The following KHDRBS2 variants were observed in gnomAD, a reference collection of about 807,000 sequenced individuals.
The protein encoded by KHDRBS2 is KH RNA binding domain containing, signal transduction associated 2.
KHDRBS2 carries 26 observed loss-of-function variants against 44.3 expected under a neutral mutation model. The observed-to-expected ratio is 0.59, with a 90% confidence interval of 0.43 to 0.81. The LOEUF (loss-of-function observed/expected upper bound fraction) is 0.81. Ranked by LOEUF, KHDRBS2 falls within the 40% of genes least tolerant of loss-of-function variation. KHDRBS2 has a pLI of 0.00. For synonymous variants in KHDRBS2, 194 were observed against 151.1 expected (o/e 1.28, Z -2.08); for missense variants, 476 against 433.1 (o/e 1.10, Z -0.88).
intron 6 of KHDRBS2, among the ~76,000 whole-genome samples, chr6:61,754,278 CA>C (rs1274231369): frequency 1.3e-5 from 2 of 151,810 alleles, no homozygotes; most frequent in Admixed American, 6.6e-5. Context: ...TGAGGGACCA[CA>C]AAAAAATGGA....
chr6:61,792,965 A>T (rs1298047003), intron 6 of KHDRBS2, among the ~76,000 whole-genome samples: 3 of 151,968 alleles, frequency 2.0e-5, no homozygotes, highest in Non-Finnish European at 4.4e-5. Context: ...GAAAACAGTT[A>T]AGAAGATTAA....
At chr6:61,989,592 A>C (rs2127244866) in intron 3 of KHDRBS2, among the ~76,000 whole-genome samples, 1 of 152,282 alleles carries the variant, frequency 6.6e-6, no homozygotes, top group East Asian at 1.9e-4. Flanking sequence ...CTGTCTTTGC[A>C]ATCTCTTAGT....
chr6:61,985,304 TTCTC>T (rs951434885), intron 3 of KHDRBS2, among the ~76,000 whole-genome samples: 4 of 152,224 alleles, frequency 2.6e-5, no homozygotes, highest in African/African-American at 7.2e-5. Context: ...TTTATTTTAC[TTCTC>T]TCTGTGTATT....
intron 3 of KHDRBS2, among the ~76,000 whole-genome samples, chr6:62,042,897 C>T (rs903187906): frequency 3.6e-4 from 55 of 152,100 alleles, no homozygotes; most frequent in African/African-American, 1.3e-3. Context: ...GTACTTTTAA[C>T]ATATAATCAT....
At chr6:62,069,776 G>A (rs1272784258) in intron 2 of KHDRBS2, among the ~76,000 whole-genome samples, 1 of 151,726 alleles carries the variant, frequency 6.6e-6, no homozygotes, top group Non-Finnish European at 1.5e-5. Flanking sequence ...TTAATTTTAT[G>A]CACTTAGGAT....
intron 6 of KHDRBS2, among the ~76,000 whole-genome samples, chr6:61,858,560 T>A (rs1024819937): frequency 2.0e-5 from 3 of 151,954 alleles, no homozygotes; most frequent in Non-Finnish European, 4.4e-5. Flanking sequence ...CAATATAAGA[T>A]CATCTCTTAC....
chr6:62,212,265 A>G (rs1188310822), intron 1 of KHDRBS2, among the ~76,000 whole-genome samples: 1 of 152,148 alleles, frequency 6.6e-6, no homozygotes, highest in East Asian at 1.9e-4. Flanking sequence ...AAAGTGTTCA[A>G]TCACACACAT....
intron 1 of KHDRBS2, among the ~76,000 whole-genome samples, chr6:62,274,753 CT>C (rs1840645446): frequency 3.3e-5 from 5 of 152,070 alleles, no homozygotes; most frequent in Admixed American, 2.6e-4. Flanking sequence ...GCATCATCTA[CT>C]TCTCTTATCA....
chr6:61,745,046 C>T (rs1366658296), intron 6 of KHDRBS2, among the ~76,000 whole-genome samples: 2 of 151,986 alleles, frequency 1.3e-5, no homozygotes, highest in Non-Finnish European at 2.9e-5. Context: ...TTTAGGTTTC[C>T]AAGTAGGTGA....
chr6:61,595,469 A>G, the KHDRBS2 span, among the ~76,000 whole-genome samples: 93,519 of 151,950 alleles, frequency 0.62, 29,012 homozygotes, highest in Non-Finnish European at 0.65. Context: ...CTGAGAAACA[A>G]AACTATTTTT....
At chr6:61,852,605 C>G (rs1335150860) in intron 6 of KHDRBS2, among the ~76,000 whole-genome samples, 1 of 150,912 alleles carries the variant, frequency 6.6e-6, no homozygotes, top group Non-Finnish European at 1.5e-5. Context: ...AATTATTCTG[C>G]TAATACCCAC....
intron 2 of KHDRBS2, among the ~76,000 whole-genome samples, chr6:62,062,651 C>T (rs1045130562): frequency 1.1e-4 from 16 of 148,710 alleles, no homozygotes; most frequent in African/African-American, 3.9e-4. Context: ...AAATTTACAG[C>T]ACTAAATGCC....
intron 3 of KHDRBS2, among the ~76,000 whole-genome samples, chr6:62,001,612 C>T (rs565993067): frequency 6.6e-6 from 1 of 152,174 alleles, no homozygotes; most frequent in African/African-American, 2.4e-5. Context: ...ATTTTAACAG[C>T]TGGTAAATAT....
chr6:61,570,155 C>G, the KHDRBS2 span, among the ~76,000 whole-genome samples: 2 of 151,854 alleles, frequency 1.3e-5, no homozygotes, highest in Admixed American at 1.3e-4. Context: ...AAGGTGAAAT[C>G]CAACTTAATG....
intron 8 of KHDRBS2, among the ~76,000 whole-genome samples, chr6:61,683,618 TTA>T (rs1054913905): frequency 7.8e-4 from 119 of 151,934 alleles, no homozygotes; most frequent in African/African-American, 2.8e-3. Flanking sequence ...TATATATTTG[TTA>T]TAGAGTTAAA....
the KHDRBS2 span, among the ~76,000 whole-genome samples, chr6:61,616,860 T>C: frequency 6.6e-6 from 1 of 152,152 alleles, no homozygotes; most frequent in Non-Finnish European, 1.5e-5. Context: ...TGGAGAAAAT[T>C]TGAAAATATT....
intron 2 of KHDRBS2, among the ~76,000 whole-genome samples, chr6:62,058,556 G>C (rs1372587677): frequency 6.6e-6 from 1 of 151,860 alleles, no homozygotes; most frequent in Non-Finnish European, 1.5e-5. Context: ...ATTGCACTAA[G>C]TGGGACCGTA....
chr6:62,018,449 G>A (rs544195665), intron 3 of KHDRBS2, among the ~76,000 whole-genome samples: 4 of 152,024 alleles, frequency 2.6e-5, no homozygotes, highest in Middle Eastern at 3.4e-3. Flanking sequence ...CCAGTTTCAC[G>A]CCATTCTCCT....
At chr6:61,746,083 A>C (rs1776818660) in intron 6 of KHDRBS2, among the ~76,000 whole-genome samples, 1 of 151,758 alleles carries the variant, frequency 6.6e-6, no homozygotes, top group African/African-American at 2.4e-5. Flanking sequence ...GTTTTATTTC[A>C]CTTTAAGTTC....
Sources: gnomAD v4.1 joint callset for allele counts (sites outside exome capture counted in the v4.1 genomes callset) on GRCh38, gnomAD v4.1.1 for gene constraint, MANE v1.5 for transcripts, NCBI Gene and HGNC (gene_info 2026-07-23, HGNC 2026-07-21) for gene names.